Variants in ABCC2 observed in about 807,000 individuals in gnomAD.
ABCC2 encodes ATP binding cassette subfamily C member 2.
In ABCC2, 157 loss-of-function variants were observed where a neutral mutation model predicts 173.4. That is an observed-to-expected ratio of 0.91 (90% confidence interval 0.80 to 1.03). The LOEUF is 1.03. Ranked by LOEUF, ABCC2 falls within the 50% of genes least tolerant of loss-of-function variation. ABCC2 has a pLI of 0.00. For synonymous variants in ABCC2, 657 were observed against 693.5 expected (o/e 0.95, Z 0.83); for missense variants, 1,822 against 1,852.3 (o/e 0.98, Z 0.30).
chr10:99,844,460 G>A lies in ABCC2; in HGVS notation c.3982G>A (p.Glu1328Lys). 6.2e-7 allele frequency: 1 copy of A among 1,613,510 alleles called. No individual in the cohort carries two copies. Among genetic ancestry groups the A allele is most frequent in the Non-Finnish European group, 8.5e-7 (1 of 1,180,032 alleles). Residue 1328 changes from glutamate (E) to lysine (K), a missense_variant, in exon 28 of 32, where the codon GAG becomes AAG. By Grantham distance (56) the Glu-to-Lys change is moderately conservative. Coordinates refer to ENST00000647814, the MANE Select transcript of ABCC2 (RefSeq NM_000392.5). ...GATCACTTGTGACATCGGTAGCATG[G>A]AGAAGGTAGGTGGAGTGAAGGAAGG... is the stretch of plus-strand genomic sequence containing the variant. ...RGITCDIGSM[E>K]KIGVVGRTGA... is the part of the protein sequence containing the mutation.
chr10:99,827,245 C>T (rs9794323), intron 19 of ABCC2, among the ~76,000 whole-genome samples: 83,705 of 141,992 alleles, frequency 0.59, 22,161 homozygotes, highest in East Asian at 0.68. Flanking sequence ...TGTAGTGTTA[C>T]GGGCACCTGA....
At chr10:99,818,699 A>C (rs1219915585) in intron 17 of ABCC2, 91 bp from the exon 18 acceptor site, 1 of 1,440,616 alleles carries the variant, frequency 6.9e-7, no homozygotes, top group East Asian at 2.3e-5. Context: ...CACCTTATTG[A>C]GACAAATTTC....
intron 19 of ABCC2, 53 bp from the exon 20 acceptor site, chr10:99,830,254 G>T: frequency 6.2e-7 from 1 of 1,612,234 alleles, no homozygotes; most frequent in South Asian, 1.1e-5. Context: ...TTGTTCATAG[G>T]ACTGACAGGG....
At chr10:99,799,655 C>T (rs547666704) in intron 8 of ABCC2, among the ~76,000 whole-genome samples, 2 of 152,240 alleles carry the variant, frequency 1.3e-5, no homozygotes, top group Non-Finnish European at 2.9e-5. Flanking sequence ...AGGGCTGAGC[C>T]AGATCCAAGT....
chr10:99,818,911 A>G lies in ABCC2; in HGVS notation c.2393A>G (p.His798Arg), dbSNP rs768355812. 1.9e-6 allele frequency: 3 copies of G among 1,614,060 alleles called. No homozygotes were observed. Among genetic ancestry groups the G allele is most frequent in the Middle Eastern group, 1.6e-4 (1 of 6,062 alleles). ...LSAVDAHVGK[H>R]IFNKVLGPNG... ...GCAGTGGATGCTCATGTAGGAAAAC[A>G]TATTTTTAATAAGGTCTTGGGCCCC... The change falls in exon 18 of 32, where the codon CAT becomes CGT. Residue 798 changes from histidine (H) to arginine (R), a missense_variant. His to Arg is a conservative substitution (Grantham distance 29, BLOSUM62 0). Transcript: ENST00000647814.
At chr10:99,812,396 C>T (rs1189820982) in intron 15 of ABCC2, among the ~76,000 whole-genome samples, 1 of 152,220 alleles carries the variant, frequency 6.6e-6, no homozygotes, top group Non-Finnish European at 1.5e-5. Context: ...TCCTAATGTT[C>T]CTAATGTTCT....
At position 99,814,365 on chromosome 10, in the gene ABCC2, A is replaced by G. The variant is rs559234497; in HGVS notation, c.2094+1221A>G. ...TATATACACACGTATGTATACACAC[A>G]TGTATATATACACATATATACATAT... On this transcript the variant is annotated intron_variant, in intron 16 of 31. Coordinates refer to ENST00000647814, the MANE Select transcript of ABCC2 (RefSeq NM_000392.5). Among the ~76,000 whole-genome samples, 792 of 84,720 alleles carry G rather than the reference A, an allele frequency of 9.3e-3. 68 individuals are homozygous for G. The highest frequency in any genetic ancestry group is 0.029 in the African/African-American group (663 of 23,006). The allele number at this position is 84,720 out of a possible 152,430, so 55.6% of individuals were successfully genotyped here. A position where few individuals can be genotyped will look rare whatever the true frequency, so the allele number is the denominator to read the frequency against.
intron 19 of ABCC2, among the ~76,000 whole-genome samples, chr10:99,822,798 G>T (rs2038560497): frequency 6.6e-6 from 1 of 152,166 alleles, no homozygotes; most frequent in Non-Finnish European, 1.5e-5. Context: ...TGAGTTTTGA[G>T]TGTTCTATTA....
chr10:99,793,530 A>T, intron 3 of ABCC2, 21 bp from the exon 4 acceptor site: 1 of 1,613,954 alleles, frequency 6.2e-7, no homozygotes, highest in Non-Finnish European at 8.5e-7. Flanking sequence ...TCTTCAGAAC[A>T]TCATGTGAAT....
rs149359610 is a variant in ABCC2, at chr10:99,830,415, G to A, written c.2729G>A (p.Arg910His). Residue 910 changes from arginine (R) to histidine (H), a missense_variant, in exon 20 of 32, where the codon CGT becomes CAT. Physicochemically the swap from Arg to His is conservative, Grantham distance 29 (BLOSUM62 0). Coordinates refer to ENST00000647814, the MANE Select transcript of ABCC2 (RefSeq NM_000392.5). ...ACCATGAGAAGAGAGAACAGCTTTC[G>A]TCGAACACTTAGCCGCAGGTTGGCT... is the stretch of plus-strand genomic sequence containing the variant. ...SITMRRENSF[R>H]RTLSRSSRSN... is the part of the protein sequence containing the mutation. The A allele has an allele frequency of 2.3e-5, 37 of 1,614,082 alleles. No individual in the cohort carries two copies. The African/African-American group carries it at 2.4e-4, about 10-fold the overall frequency.
At position 99,835,234 on chromosome 10, in the gene ABCC2, G is replaced by A. The variant is rs925917801; in HGVS notation, c.3414+699G>A. ...TTCTGAAGACACTGATCAGGGGCTC[G>A]TGGCCTTGTGGCCTGCGATTGGCGG... On this transcript the variant is annotated intron_variant, in intron 24 of 31. Coordinates refer to ENST00000647814, the MANE Select transcript of ABCC2 (RefSeq NM_000392.5). Among the ~76,000 whole-genome samples, 11 of 152,294 alleles carry A rather than the reference G, an allele frequency of 7.2e-5. No homozygotes were observed. The East Asian group carries it at 7.7e-4, about 11-fold the overall frequency.
chr10:99,805,375 C>G lies in ABCC2; in HGVS notation c.1465-7C>G. 6.2e-7 allele frequency: 1 copy of G among 1,613,388 alleles called. No individual in the cohort carries two copies. Among genetic ancestry groups the G allele is most frequent in the Non-Finnish European group, 8.5e-7 (1 of 1,179,484 alleles). ...ATATTGTTTTTCTTTTGCTTTTTTCCTGGCAGGTCAAAAATATGAAGAATA... is the reference window on the plus strand; with the variant it reads ...ATATTGTTTTTCTTTTGCTTTTTTCGTGGCAGGTCAAAAATATGAAGAATA... On this transcript the variant is annotated splice_polypyrimidine_tract_variant and splice_region_variant and intron_variant, in intron 10 of 31. Coordinates refer to ENST00000647814, the MANE Select transcript of ABCC2 (RefSeq NM_000392.5).
chr10:99,814,530 T>TATACAC, intron 16 of ABCC2, among the ~76,000 whole-genome samples: 1 of 95,134 alleles, frequency 1.1e-5, no homozygotes, highest in African/African-American at 3.5e-5. Flanking sequence ...TACATATATA[T>TATACAC]ACACATATAC....
chr10:99,811,330 A>G (rs1312670185), intron 14 of ABCC2, among the ~76,000 whole-genome samples: 2 of 137,108 alleles, frequency 1.5e-5, no homozygotes, highest in Non-Finnish European at 3.1e-5. Flanking sequence ...ACCATGACTC[A>G]AAAAAAAAAA....
intron 19 of ABCC2, among the ~76,000 whole-genome samples, chr10:99,823,193 G>C (rs372405948): frequency 1.3e-5 from 2 of 152,224 alleles, no homozygotes; most frequent in Admixed American, 1.3e-4. Context: ...AATGTTGTAC[G>C]ATATCTTTTG....
intron 6 of ABCC2, among the ~76,000 whole-genome samples, chr10:99,796,181 G>A (rs770635828): frequency 2.6e-5 from 4 of 151,934 alleles, no homozygotes; most frequent in African/African-American, 4.8e-5. Flanking sequence ...TGGCTAACAC[G>A]GTGAAACCCC....
intron 2 of ABCC2, among the ~76,000 whole-genome samples, chr10:99,791,693 T>C (rs1217005349): frequency 6.6e-6 from 1 of 152,200 alleles, no homozygotes. Flanking sequence ...ACATGGCTGG[T>C]GGCAGGAAGC....
Position 99,813,041 on chromosome 10 carries a change from G to C in ABCC2, c.1991G>C (p.Gly664Ala), listed in dbSNP as rs2038243742. ...AGTGTGAACCTGGACATTATGGCAG[G>C]CCAACTTGTGGCTGTGATAGGCCCT... ...VRDVNLDIMA[G>A]QLVAVIGPVG... Residue 664 changes from glycine to alanine, a missense_variant, in exon 16 of 32, where the codon GGC becomes GCC. By Grantham distance (60) the Gly-to-Ala change is moderately conservative. Coordinates refer to ENST00000647814, the MANE Select transcript of ABCC2 (RefSeq NM_000392.5). 3.1e-6 allele frequency: 5 copies of C among 1,613,974 alleles called. No homozygotes were observed. The highest frequency in any genetic ancestry group is 3.4e-6 in the Non-Finnish European group (4 of 1,179,886).
chr10:99,826,045 A>G (rs537579629), intron 19 of ABCC2, among the ~76,000 whole-genome samples: 1 of 152,152 alleles, frequency 6.6e-6, no homozygotes, highest in Non-Finnish European at 1.5e-5. Context: ...TGACTAGCCC[A>G]ATGTTTTCCT....
Sources: gnomAD v4.1 joint callset for allele counts (sites outside exome capture counted in the v4.1 genomes callset) on GRCh38, gnomAD v4.1.1 for gene constraint, MANE v1.5 for transcripts, NCBI Gene and HGNC (gene_info 2026-07-23, HGNC 2026-07-21) for gene names.